TLCD4: variants seen among roughly 807,000 people sequenced by gnomAD.
TLCD4 encodes the protein TLC domain-containing protein 4.
TLCD4 carries 7 observed loss-of-function variants against 24.2 expected under a neutral mutation model. The ratio of observed to expected loss-of-function variants is 0.29; its 90% CI spans 0.16 to 0.54. The LOEUF is 0.54. Ranked by LOEUF, TLCD4 falls within the 20% of genes least tolerant of loss-of-function variation. The pLI is 0.95. For missense variants in TLCD4, 259 were observed against 313.9 expected, an observed-to-expected ratio of 0.82 and a Z score of 1.32; for synonymous variants, 103 against 106.4, an observed-to-expected ratio of 0.97 and a Z score of 0.20.
intron 5 of TLCD4, among the ~76,000 whole-genome samples, chr1:95,162,776 G>A (rs988441169): frequency 1.3e-5 from 2 of 152,172 alleles, no homozygotes; most frequent in African/African-American, 4.8e-5. Flanking sequence ...AGTTTAGCTG[G>A]ATATGAAATT....
At chr1:95,189,612 T>G (rs532626067) in intron 6 of TLCD4, among the ~76,000 whole-genome samples, 1 of 152,236 alleles carries the variant, frequency 6.6e-6, no homozygotes, top group Non-Finnish European at 1.5e-5. Flanking sequence ...CTTGATACTT[T>G]TGCTTTTTCT....
intron 1 of TLCD4, among the ~76,000 whole-genome samples, chr1:95,134,808 T>C (rs1476349860): frequency 1.3e-5 from 2 of 152,206 alleles, no homozygotes; most frequent in African/African-American, 2.4e-5. Flanking sequence ...TCCTGTGTGC[T>C]GCTGGAGGTG....
At chr1:95,187,433 C>T (rs762429905) in intron 6 of TLCD4, among the ~76,000 whole-genome samples, 2 of 152,068 alleles carry the variant, frequency 1.3e-5, no homozygotes, top group African/African-American at 2.4e-5. Context: ...CTCTGGTGAC[C>T]TTGACGGTTT....
intron 6 of TLCD4, among the ~76,000 whole-genome samples, chr1:95,185,760 T>C (rs1678810857): frequency 1.3e-5 from 2 of 152,352 alleles, no homozygotes; most frequent in Admixed American, 6.5e-5. Flanking sequence ...CATAAAATAA[T>C]GTTAATTGAC....
intron 5 of TLCD4, among the ~76,000 whole-genome samples, chr1:95,170,625 A>T (rs1025592663): frequency 6.6e-6 from 1 of 152,134 alleles, no homozygotes; most frequent in Admixed American, 6.5e-5. Flanking sequence ...CACTGCGCCC[A>T]GCCATAATGC....
At chr1:95,147,370 G>A (rs369491621) in intron 2 of TLCD4, among the ~76,000 whole-genome samples, 180 of 152,196 alleles carry the variant, frequency 1.2e-3, no homozygotes, top group African/African-American at 4.1e-3. Context: ...CACCATGCCC[G>A]GCCAAGGAAT....
chr1:95,186,248 C>A (rs555354606), intron 6 of TLCD4, among the ~76,000 whole-genome samples: 1 of 152,292 alleles, frequency 6.6e-6, no homozygotes, highest in African/African-American at 2.4e-5. Context: ...AGAGCTAAGA[C>A]CACACAGTTG....
At chr1:95,128,010 A>C (rs1369040632) in intron 1 of TLCD4, among the ~76,000 whole-genome samples, 1 of 152,210 alleles carries the variant, frequency 6.6e-6, no homozygotes, top group Non-Finnish European at 1.5e-5. Flanking sequence ...AGGCTGAGGC[A>C]AGAGAATTGC....
chr1:95,149,269 TAAC>T (rs1465754983), intron 3 of TLCD4, among the ~76,000 whole-genome samples: 2 of 152,216 alleles, frequency 1.3e-5, no homozygotes, highest in African/African-American at 4.8e-5. Flanking sequence ...GCACTAATAA[TAAC>T]TGTGTTCAGT....
the TLCD4 span, among the ~76,000 whole-genome samples, chr1:95,093,348 T>C: frequency 6.6e-6 from 1 of 152,234 alleles, no homozygotes; most frequent in Non-Finnish European, 1.5e-5. Flanking sequence ...ATTTTTCAAA[T>C]GGAAGTTTTT....
intron 1 of TLCD4, among the ~76,000 whole-genome samples, chr1:95,141,266 G>T: frequency 6.6e-6 from 1 of 151,964 alleles, no homozygotes. Context: ...TGAATTGTTT[G>T]AGTGCTTTTA....
At chr1:95,123,324 C>T (rs914463870) in intron 1 of TLCD4, among the ~76,000 whole-genome samples, 2 of 151,960 alleles carry the variant, frequency 1.3e-5, no homozygotes, top group Non-Finnish European at 2.9e-5. Context: ...TCTTACATGC[C>T]CTATGGAAAA....
intron 1 of TLCD4, among the ~76,000 whole-genome samples, chr1:95,134,891 A>G (rs1386320706): frequency 6.6e-6 from 1 of 152,188 alleles, no homozygotes; most frequent in East Asian, 1.9e-4. Context: ...GAAACATTAT[A>G]TCATTTATTT....
At chr1:95,165,526 C>G (rs1409848223) in intron 5 of TLCD4, among the ~76,000 whole-genome samples, 1 of 148,178 alleles carries the variant, frequency 6.7e-6, no homozygotes, top group African/African-American at 2.5e-5. Context: ...AGTGCAATGG[C>G]GTGATCTTGG....
chr1:95,121,741 A>G (rs1676577370), intron 1 of TLCD4, among the ~76,000 whole-genome samples: 1 of 152,220 alleles, frequency 6.6e-6, no homozygotes, highest in Non-Finnish European at 1.5e-5. Flanking sequence ...AAGTGTTGGG[A>G]TTACAGGCGT....
In TLCD4 at chr1:95,164,921, T is replaced by C. The variant is rs1177305947; in HGVS notation, c.400-8895T>C. 9 of 152,278 alleles carry C rather than the reference T, an allele frequency of 5.9e-5. No individual in the cohort carries two copies. The East Asian group carries it at 9.6e-4, about 16-fold the overall frequency. 9.4% of individuals were successfully genotyped at this position (152,278 alleles called of 1,614,324 possible). A position where few individuals can be genotyped will look rare whatever the true frequency, so the allele number is the denominator to read the frequency against. Reference sequence around the variant, plus strand: ...GGAGTTTCTAATTGCCTTCCTTTTTTCCCCCCATCATTTGCCTTTACTACA... The same window carrying C: ...GGAGTTTCTAATTGCCTTCCTTTTTCCCCCCCATCATTTGCCTTTACTACA... On this transcript the variant is annotated intron_variant, in intron 5 of 6. Transcript: ENST00000370203.
chr1:95,130,306 C>T (rs1165985542), intron 1 of TLCD4, among the ~76,000 whole-genome samples: 1 of 150,358 alleles, frequency 6.7e-6, no homozygotes, highest in Non-Finnish European at 1.5e-5. Context: ...GCACGTGCCT[C>T]CATACCCAGC....
chr1:95,151,180 A>G, intron 4 of TLCD4, 145 bp from the exon 5 acceptor site: 1 of 782,450 alleles, frequency 1.3e-6, no homozygotes. Context: ...GGTAAAGTAG[A>G]TAATCAGACT....
the TLCD4 span, among the ~76,000 whole-genome samples, chr1:95,103,671 T>A: frequency 6.6e-6 from 1 of 152,360 alleles, no homozygotes; most frequent in African/African-American, 2.4e-5. Flanking sequence ...GCTCTTTTTG[T>A]TCATCCCATC....
Sources: gnomAD v4.1 joint callset for allele counts (sites outside exome capture counted in the v4.1 genomes callset) on GRCh38, gnomAD v4.1.1 for gene constraint, MANE v1.5 for transcripts, NCBI Gene and HGNC (gene_info 2026-07-23, HGNC 2026-07-21) for gene names.